The following MTUS2 variants were observed in gnomAD, a reference collection of about 807,000 sequenced individuals.
MTUS2 encodes the protein microtubule associated scaffold protein 2, also known as microtubule-associated tumor suppressor candidate 2.
In MTUS2, 40 loss-of-function variants were observed where a neutral mutation model predicts 114.1. The observed-to-expected ratio is 0.35, with a 90% CI of 0.27 to 0.46. The LOEUF (loss-of-function observed/expected upper bound fraction) is 0.46. MTUS2 is among the 20% of genes least tolerant of loss of function. The pLI is 1.00. For synonymous variants in MTUS2, 688 were observed against 672.0 expected, an observed-to-expected ratio of 1.02 and a Z score of -0.37; for missense variants, 1,679 against 1,705.4, an observed-to-expected ratio of 0.98 and a Z score of 0.27.
Position 29,504,689 on chromosome 13 carries a change from A to G in MTUS2, c.*1483A>G, listed in dbSNP as rs2139039069. 4.3e-6 allele frequency: 1 copy of G among 233,306 alleles called. No individual in the cohort carries two copies. The highest frequency in any genetic ancestry group is 5.6e-5 in the Admixed American group (1 of 17,810). The allele number at this position is 233,306 out of a possible 1,614,324, so 14.5% of individuals were successfully genotyped here. On this transcript the variant is annotated 3_prime_UTR_variant, in exon 16 of 16. Coordinates refer to ENST00000612955, the MANE Select transcript of MTUS2 (RefSeq NM_001033602.4). The stretch of plus-strand genomic sequence containing the variant: ...AGGAGCATGATACACAAAAGGAAGA[A>G]GTAGTTTTAACAGATATGGTGATGA...
At chr13:28,905,335 T>C (rs968704842) in intron 2 of MTUS2, among the ~76,000 whole-genome samples, 6 of 151,716 alleles carry the variant, frequency 4.0e-5, no homozygotes, top group East Asian at 3.9e-4. Context: ...CTTGTGCCTC[T>C]TTTCGAAGGG....
chr13:29,248,410 G>A (rs9551637), intron 5 of MTUS2, among the ~76,000 whole-genome samples: 6,472 of 151,960 alleles, frequency 0.043, 183 homozygotes, highest in East Asian at 0.079. Flanking sequence ...AGAAAAATCC[G>A]TCATATCCAA....
intron 8 of MTUS2, among the ~76,000 whole-genome samples, chr13:29,389,439 A>ATGTATACACGTGTG (rs1407024136): frequency 2.5e-5 from 2 of 79,434 alleles, no homozygotes; most frequent in African/African-American, 1.1e-4. Context: ...ACGTGTGTGT[A>ATGTATACACGTGTG]TGTGTATGTA....
chr13:29,479,674 G>A (rs952928612), intron 9 of MTUS2, among the ~76,000 whole-genome samples: 3 of 152,206 alleles, frequency 2.0e-5, no homozygotes, highest in Admixed American at 6.5e-5. Context: ...TCCATAGTGT[G>A]CAGCTCTCAA....
intron 5 of MTUS2, among the ~76,000 whole-genome samples, chr13:29,197,927 G>A (rs1296733414): frequency 1.3e-5 from 2 of 152,104 alleles, no homozygotes; most frequent in African/African-American, 4.8e-5. Context: ...ATTTGTTTAA[G>A]TTTCTTGTAG....
chr13:29,371,040 T>C (rs1871146506), intron 8 of MTUS2, among the ~76,000 whole-genome samples: 1 of 152,190 alleles, frequency 6.6e-6, no homozygotes, highest in Non-Finnish European at 1.5e-5. Context: ...ACTTGTGTGC[T>C]CAGGTGATGT....
chr13:28,937,297 C>T (rs1041040240), intron 2 of MTUS2, among the ~76,000 whole-genome samples: 4 of 150,778 alleles, frequency 2.7e-5, no homozygotes, highest in Non-Finnish European at 4.4e-5. Flanking sequence ...GACCAGTAAG[C>T]ACTCTGTAAA....
At chr13:29,380,146 G>C (rs1420174958) in intron 8 of MTUS2, among the ~76,000 whole-genome samples, 7 of 152,158 alleles carry the variant, frequency 4.6e-5, no homozygotes, top group African/African-American at 1.7e-4. Context: ...TTGTCCCTCT[G>C]TTCCACACTG....
chr13:29,317,385 T>C (rs17598903), intron 6 of MTUS2, among the ~76,000 whole-genome samples: 4,026 of 152,210 alleles, frequency 0.026, 83 homozygotes, highest in South Asian at 0.071. Flanking sequence ...CTCTAGTCCT[T>C]GCATCTAACT....
At chr13:28,841,834 G>C (rs1017369918) in intron 2 of MTUS2, among the ~76,000 whole-genome samples, 1 of 152,050 alleles carries the variant, frequency 6.6e-6, no homozygotes, top group Admixed American at 6.5e-5. Context: ...TTACAGATGC[G>C]TGCCACCACG....
chr13:28,882,331 A>T (rs1878340219), intron 2 of MTUS2, among the ~76,000 whole-genome samples: 1 of 152,198 alleles, frequency 6.6e-6, no homozygotes, highest in South Asian at 2.1e-4. Flanking sequence ...TACAGGTGTG[A>T]GCCACCACGC....
intron 5 of MTUS2, among the ~76,000 whole-genome samples, chr13:29,181,437 G>T (rs1324989428): frequency 6.6e-6 from 1 of 152,164 alleles, no homozygotes; most frequent in East Asian, 1.9e-4. Context: ...ACACCAGCCT[G>T]GGTGCAAATA....
chr13:29,488,012 C>T lies in MTUS2; in HGVS notation c.3505+7C>T. The stretch of plus-strand genomic sequence containing the variant: ...CACGACCACAAAGTCCAAGGTAGCT[C>T]CCAGCCTCGTGTGCAGCAGGCAGGG... On this transcript the variant is annotated splice_region_variant and intron_variant, in intron 11 of 15. Transcript: ENST00000612955. The T allele has an allele frequency of 6.2e-7, 1 of 1,609,164 alleles. No homozygotes were observed. The highest frequency in any genetic ancestry group is 8.5e-7 in the Non-Finnish European group (1 of 1,175,742).
chr13:29,241,581 G>GC (rs1481394056), intron 5 of MTUS2, among the ~76,000 whole-genome samples: 2 of 152,048 alleles, frequency 1.3e-5, no homozygotes, highest in Non-Finnish European at 2.9e-5. Flanking sequence ...TCAAACCCCT[G>GC]CCTACCCAGT....
At chr13:28,974,183 C>G (rs1476175674) in intron 2 of MTUS2, among the ~76,000 whole-genome samples, 1 of 152,160 alleles carries the variant, frequency 6.6e-6, no homozygotes, top group Non-Finnish European at 1.5e-5. Flanking sequence ...TCTGCAGGGA[C>G]AGCTGCAACT....
chr13:29,427,993 TC>T (rs1876674201), intron 8 of MTUS2, among the ~76,000 whole-genome samples: 1 of 152,228 alleles, frequency 6.6e-6, no homozygotes. Flanking sequence ...ACTAGAAAGA[TC>T]AAGTCCTTCA....
At chr13:29,198,096 G>A (rs931550229) in intron 5 of MTUS2, among the ~76,000 whole-genome samples, 2 of 152,070 alleles carry the variant, frequency 1.3e-5, no homozygotes, top group Non-Finnish European at 2.9e-5. Flanking sequence ...GTCAATTTTG[G>A]CTTTTGTTGC....
intron 5 of MTUS2, among the ~76,000 whole-genome samples, chr13:29,117,522 G>A (rs1891138855): frequency 6.6e-6 from 1 of 152,134 alleles, no homozygotes; most frequent in Admixed American, 6.5e-5. Flanking sequence ...CCACAGTAAT[G>A]CAGGGCTCCT....
At chr13:29,446,574 C>T (rs1189833308) in intron 9 of MTUS2, among the ~76,000 whole-genome samples, 1 of 152,150 alleles carries the variant, frequency 6.6e-6, no homozygotes, top group Non-Finnish European at 1.5e-5. Flanking sequence ...TGTTATGCAA[C>T]AAGTATAGTG....
Sources: gnomAD v4.1 joint callset for allele counts (sites outside exome capture counted in the v4.1 genomes callset) on GRCh38, gnomAD v4.1.1 for gene constraint, MANE v1.5 for transcripts, NCBI Gene and HGNC (gene_info 2026-07-23, HGNC 2026-07-21) for gene names.